Variants in BBS9 observed in about 807,000 individuals in gnomAD.
The protein encoded by BBS9 is protein PTHB1.
A neutral mutation model predicts 117.7 loss-of-function variants in BBS9; 89 were observed. The observed-to-expected ratio is 0.76, with a 90% CI of 0.64 to 0.90. BBS9 has a LOEUF of 0.90. Ranked by LOEUF, BBS9 falls within the 40% of genes least tolerant of loss-of-function variation. The pLI is 0.00. For missense variants in BBS9, 982 were observed against 1,042.2 expected, an observed-to-expected ratio of 0.94 and a Z score of 0.80; for synonymous variants, 379 against 370.9, an observed-to-expected ratio of 1.02 and a Z score of -0.25.
At chr7:33,272,286 G>A (rs1258317124) in intron 7 of BBS9, among the ~76,000 whole-genome samples, 3 of 152,032 alleles carry the variant, frequency 2.0e-5, no homozygotes, top group African/African-American at 4.8e-5. Context: ...TAATCTATAC[G>A]CCAAACCTCT....
At chr7:33,602,989 G>GCAA (rs1213085279) in intron 21 of BBS9, among the ~76,000 whole-genome samples, 4 of 152,162 alleles carry the variant, frequency 2.6e-5, no homozygotes, top group Non-Finnish European at 5.9e-5. Flanking sequence ...AGAGAACTAG[G>GCAA]AAGTCTTCTA....
intron 19 of BBS9, among the ~76,000 whole-genome samples, chr7:33,503,713 C>G (rs1845765497): frequency 6.6e-6 from 1 of 151,660 alleles, no homozygotes; most frequent in South Asian, 2.1e-4. Flanking sequence ...ATGTGATGGC[C>G]CCACAATGAG....
intron 21 of BBS9, among the ~76,000 whole-genome samples, chr7:33,537,655 T>G (rs1202612215): frequency 2.6e-5 from 4 of 152,194 alleles, no homozygotes; most frequent in Non-Finnish European, 4.4e-5. Context: ...TGTAAGTGAT[T>G]TAGTGGTCTA....
rs79557113 is a variant in BBS9 at position 33,441,286 on chromosome 7, A to T, written c.2115+53142A>T. 2.4e-3 allele frequency among the ~76,000 whole-genome samples: 360 copies of T among 151,340 alleles called. 4 individuals are homozygous for T. Among genetic ancestry groups the T allele is most frequent in the East Asian group, 0.011 (51 of 4,632 alleles). ...AGGATGAGCTGTAGATGGCCAAAAA[A>T]AAAAAATAAAATAAAAGGGTGGGGA... On this transcript the variant is annotated intron_variant, in intron 19 of 22. Coordinates refer to ENST00000242067, the MANE Select transcript of BBS9 (RefSeq NM_198428.3).
chr7:33,411,596 C>T (rs1831152150), intron 19 of BBS9, among the ~76,000 whole-genome samples: 1 of 152,016 alleles, frequency 6.6e-6, no homozygotes, highest in Non-Finnish European at 1.5e-5. Flanking sequence ...TATATATGTA[C>T]TTAATTAAAC....
At chr7:33,558,889 TA>T (rs1294593201) in intron 21 of BBS9, among the ~76,000 whole-genome samples, 2 of 152,214 alleles carry the variant, frequency 1.3e-5, no homozygotes, top group Non-Finnish European at 2.9e-5. Flanking sequence ...ATGAATTTTT[TA>T]AAAAGACTCC....
chr7:33,321,254 T>G (rs900112221), intron 9 of BBS9, among the ~76,000 whole-genome samples: 5 of 152,270 alleles, frequency 3.3e-5, no homozygotes, highest in Middle Eastern at 3.4e-3. Flanking sequence ...ACTGGATTTT[T>G]TTTTGTATTT....
At chr7:33,236,539 A>G (rs1343672266) in intron 5 of BBS9, among the ~76,000 whole-genome samples, 1 of 151,800 alleles carries the variant, frequency 6.6e-6, no homozygotes, top group Non-Finnish European at 1.5e-5. Context: ...CTGTCTTTCT[A>G]TGGCAATATA....
chr7:33,506,713 G>T (rs1846198376), intron 20 of BBS9, among the ~76,000 whole-genome samples: 1 of 152,034 alleles, frequency 6.6e-6, no homozygotes, highest in African/African-American at 2.4e-5. Context: ...AGGATTGCCA[G>T]ATTTTTTTTT....
At chr7:33,173,809 T>C (rs1796954194) in intron 4 of BBS9, among the ~76,000 whole-genome samples, 1 of 152,214 alleles carries the variant, frequency 6.6e-6, no homozygotes. Context: ...TACTCAGTTC[T>C]TCAGAAACTA....
At chr7:33,533,111 C>T (rs1339463857) in intron 20 of BBS9, among the ~76,000 whole-genome samples, 2 of 152,182 alleles carry the variant, frequency 1.3e-5, no homozygotes, top group Non-Finnish European at 2.9e-5. Context: ...ACTGACCCCT[C>T]CTGCTCTTTA....
intron 19 of BBS9, among the ~76,000 whole-genome samples, chr7:33,433,133 T>A (rs892434798): frequency 6.6e-5 from 10 of 152,298 alleles, no homozygotes; most frequent in East Asian, 1.9e-4. Context: ...AATTAACTCT[T>A]TTATATATTT....
intron 21 of BBS9, among the ~76,000 whole-genome samples, chr7:33,562,730 C>T (rs1856272621): frequency 6.6e-6 from 1 of 152,152 alleles, no homozygotes; most frequent in Admixed American, 6.5e-5. Context: ...TCGAGACCAT[C>T]CTGGCCAACA....
At chr7:33,477,682 C>A (rs547854746) in intron 19 of BBS9, among the ~76,000 whole-genome samples, 5 of 152,298 alleles carry the variant, frequency 3.3e-5, no homozygotes, top group African/African-American at 1.2e-4. Flanking sequence ...ACTAGTTGTT[C>A]TTCAGTGTCC....
chr7:33,349,230 T>C, intron 13 of BBS9, 60 bp downstream of exon 13: 2 of 1,201,724 alleles, frequency 1.7e-6, no homozygotes, highest in Non-Finnish European at 2.5e-6. Context: ...AAATACTAGT[T>C]TGTTCATTTA....
intron 19 of BBS9, among the ~76,000 whole-genome samples, chr7:33,449,158 G>A (rs59956706): frequency 0.011 from 1,681 of 152,284 alleles, 32 homozygotes; most frequent in African/African-American, 0.038. Flanking sequence ...GGCATCAATC[G>A]TGGTAGTTGT....
intron 5 of BBS9, among the ~76,000 whole-genome samples, chr7:33,211,635 A>G (rs1192288096): frequency 6.6e-6 from 1 of 152,216 alleles, no homozygotes; most frequent in East Asian, 1.9e-4. Context: ...TAGTTTACCC[A>G]TCATGACTAT....
intron 7 of BBS9, among the ~76,000 whole-genome samples, chr7:33,268,672 C>G (rs569006624): frequency 6.6e-6 from 1 of 152,036 alleles, no homozygotes; most frequent in Admixed American, 6.5e-5. Context: ...TAGCAAATTT[C>G]TGTGTTTTAT....
chr7:33,509,633 T>C (rs1214401615), intron 20 of BBS9, among the ~76,000 whole-genome samples: 5 of 152,152 alleles, frequency 3.3e-5, no homozygotes, highest in African/African-American at 1.2e-4. Flanking sequence ...TCCCCACAAG[T>C]ATTGAGAGGT....
Sources: gnomAD v4.1 joint callset for allele counts (sites outside exome capture counted in the v4.1 genomes callset) on GRCh38, gnomAD v4.1.1 for gene constraint, MANE v1.5 for transcripts, NCBI Gene and HGNC (gene_info 2026-07-23, HGNC 2026-07-21) for gene names.